ZCCHC17: variants seen among roughly 807,000 people sequenced by gnomAD.
The protein encoded by ZCCHC17 is zinc finger CCHC-type containing 17.
A neutral mutation model predicts 30.6 loss-of-function variants in ZCCHC17; 18 were observed. That is an observed-to-expected ratio of 0.59 (90% CI 0.41 to 0.87). ZCCHC17 has a LOEUF of 0.87. ZCCHC17 is among the 40% of genes least tolerant of loss of function. ZCCHC17 has a pLI of 0.00. For missense variants in ZCCHC17, 263 were observed against 284.2 expected (o/e 0.93, Z 0.54); for synonymous variants, 88 against 92.4 (o/e 0.95, Z 0.27).
At chr1:31,320,018 TACAAAGGGGG>T (rs1646824275) in intron 3 of ZCCHC17, among the ~76,000 whole-genome samples, 1 of 152,114 alleles carries the variant, frequency 6.6e-6, no homozygotes. Context: ...AAAGAGCTAA[TACAAAGGGGG>T]TATTAGGAAA....
chr1:31,313,746 A>G (rs1174626016), intron 2 of ZCCHC17, among the ~76,000 whole-genome samples: 1 of 152,082 alleles, frequency 6.6e-6, no homozygotes, highest in Non-Finnish European at 1.5e-5. Context: ...TGAAGCCCTC[A>G]CTCATCAGGT....
rs778628738 is a variant in ZCCHC17 at position 31,339,063 on chromosome 1, T to G, written c.317+15T>G. ...GTTATCATTGAGTAAGTAAAAGGTT[T>G]GGAAAGGTGAAAATTCTTCTGCCTC... On this transcript the variant is annotated intron_variant, in intron 5 of 7. Coordinates refer to ENST00000344147, the MANE Select transcript of ZCCHC17 (RefSeq NM_016505.4). 4 of 1,583,256 alleles carry G rather than the reference T, an allele frequency of 2.5e-6. No individual in the cohort carries two copies. In the Admixed American group the frequency reaches 5.7e-5, roughly 22 times the overall value.
At chr1:31,340,827 C>T (rs962782030) in intron 5 of ZCCHC17, among the ~76,000 whole-genome samples, 1 of 152,142 alleles carries the variant, frequency 6.6e-6, no homozygotes, top group Non-Finnish European at 1.5e-5. Flanking sequence ...TGAGTGGGAT[C>T]TTATTGGTGA....
intron 1 of ZCCHC17, among the ~76,000 whole-genome samples, chr1:31,298,164 T>C (rs557685279): frequency 2.6e-5 from 4 of 152,012 alleles, no homozygotes; most frequent in Non-Finnish European, 5.9e-5. Context: ...GAGATATGGG[T>C]GGAACTGCAG....
intron 1 of ZCCHC17, among the ~76,000 whole-genome samples, chr1:31,302,297 C>T: frequency 6.8e-6 from 1 of 146,714 alleles, no homozygotes; most frequent in South Asian, 2.2e-4. Flanking sequence ...CTAGCTCCTT[C>T]TTCTTCTATA....
intron 5 of ZCCHC17, among the ~76,000 whole-genome samples, chr1:31,344,852 GT>G (rs770367569): frequency 1.3e-5 from 1 of 79,316 alleles, no homozygotes; most frequent in Non-Finnish European, 3.2e-5. Flanking sequence ...TTTGTTATGG[GT>G]TTTTTTTTGT....
intron 1 of ZCCHC17, among the ~76,000 whole-genome samples, chr1:31,305,997 C>T (rs1024339584): frequency 3.3e-5 from 5 of 152,114 alleles, no homozygotes; most frequent in Non-Finnish European, 5.9e-5. Context: ...AATTGGAAGA[C>T]GTTTCTGTTT....
intron 3 of ZCCHC17, among the ~76,000 whole-genome samples, chr1:31,332,588 G>A (rs1638635238): frequency 6.6e-6 from 1 of 151,922 alleles, no homozygotes; most frequent in Non-Finnish European, 1.5e-5. Flanking sequence ...ACACACAATG[G>A]AAAATGATCA....
At chr1:31,362,980 T>A (rs1639974106) in intron 7 of ZCCHC17, among the ~76,000 whole-genome samples, 12 of 152,140 alleles carry the variant, frequency 7.9e-5, no homozygotes, top group Admixed American at 7.9e-4. Flanking sequence ...TTCAGTGTTC[T>A]CTGTGTATAC....
intron 7 of ZCCHC17, among the ~76,000 whole-genome samples, chr1:31,352,677 C>T (rs1286385957): frequency 1.3e-5 from 2 of 152,128 alleles, no homozygotes; most frequent in African/African-American, 2.4e-5. Flanking sequence ...GAACTCCTGG[C>T]CTCAAGCAGT....
chr1:31,350,196 A>C (rs1264711413), intron 7 of ZCCHC17, among the ~76,000 whole-genome samples: 1 of 152,100 alleles, frequency 6.6e-6, no homozygotes, highest in Non-Finnish European at 1.5e-5. Flanking sequence ...TTTTCTAACT[A>C]TGGCCAGTAT....
At position 31,315,704 on chromosome 1, in the gene ZCCHC17, A is replaced by G. The variant is rs556074334; in HGVS notation, c.67-3405A>G. ...ACAACAAGTTTCAAGGCCATTTGCC[A>G]CCTATAATCTGAAGATGGGAAATTT... On this transcript the variant is annotated intron_variant, in intron 2 of 7. Coordinates refer to ENST00000344147, the MANE Select transcript of ZCCHC17 (RefSeq NM_016505.4). 2.0e-5 allele frequency among the ~76,000 whole-genome samples: 3 copies of G among 152,340 alleles called. No homozygotes were observed. In the South Asian group the frequency reaches 6.2e-4, roughly 32 times the overall value.
chr1:31,331,765 C>T (rs1638598690), intron 3 of ZCCHC17, among the ~76,000 whole-genome samples: 2 of 151,952 alleles, frequency 1.3e-5, no homozygotes, highest in African/African-American at 4.8e-5. Flanking sequence ...GTGTGCGCCA[C>T]CATGCCCAAC....
intron 2 of ZCCHC17, among the ~76,000 whole-genome samples, chr1:31,310,566 C>G (rs995553113): frequency 2.0e-4 from 30 of 152,332 alleles, no homozygotes; most frequent in South Asian, 2.1e-4. Context: ...AGGCTTGAGG[C>G]TGTGAGTTTG....
chr1:31,319,566 A>AAT (rs1646813932), intron 3 of ZCCHC17, among the ~76,000 whole-genome samples: 1 of 152,250 alleles, frequency 6.6e-6, no homozygotes, highest in East Asian at 1.9e-4. Context: ...AAACATATAT[A>AAT]ATATATATAA....
At chr1:31,306,942 A>G (rs1646475565) in intron 1 of ZCCHC17, among the ~76,000 whole-genome samples, 1 of 152,020 alleles carries the variant, frequency 6.6e-6, no homozygotes, top group Non-Finnish European at 1.5e-5. Flanking sequence ...GGTTCAAGCA[A>G]TTCTCCTGCC....
rs1380670890 is a variant in ZCCHC17, at chr1:31,302,740, C to G, written c.-56+5665C>G. 1.3e-5 allele frequency among the ~76,000 whole-genome samples: 2 copies of G among 152,078 alleles called. 1 individual carries two copies. Among genetic ancestry groups the G allele is most frequent in the Non-Finnish European group, 2.9e-5 (2 of 68,032 alleles). On this transcript the variant is annotated intron_variant, in intron 1 of 7. Coordinates refer to ENST00000344147, the MANE Select transcript of ZCCHC17 (RefSeq NM_016505.4). ...AAGGTGAAGGGGAAGCAAGGCACGT[C>G]TTAAGTGGTGTCAGAGGAGAGAGAG...
At chr1:31,345,958 A>G (rs766003790) in intron 5 of ZCCHC17, among the ~76,000 whole-genome samples, 55 of 152,132 alleles carry the variant, frequency 3.6e-4, no homozygotes, top group Non-Finnish European at 7.3e-4. Context: ...GCCAAATCAC[A>G]TCAACATATA....
intron 3 of ZCCHC17, among the ~76,000 whole-genome samples, chr1:31,329,353 C>CT (rs375758207): frequency 1.1e-4 from 17 of 150,390 alleles, no homozygotes; most frequent in East Asian, 3.9e-4. Context: ...TTATAAAGTT[C>CT]TTTTTTTTTT....
Sources: allele counts gnomAD v4.1 joint callset (sites outside exome capture counted in the v4.1 genomes callset), GRCh38; gene constraint gnomAD v4.1.1; transcripts MANE v1.5; gene names NCBI Gene and HGNC (gene_info 2026-07-23, HGNC 2026-07-21).